AGAP1: variants seen among roughly 807,000 people sequenced by gnomAD.
The protein encoded by AGAP1 is arf-GAP with GTPase, ANK repeat and PH domain-containing protein 1.
In AGAP1, 29 loss-of-function variants were observed where a neutral mutation model predicts 105.3. The observed-to-expected ratio is 0.28, with a 90% CI of 0.21 to 0.38. AGAP1 has a LOEUF of 0.38. AGAP1 is among the 10% of genes least tolerant of loss of function. AGAP1 has a pLI of 1.00. For synonymous variants in AGAP1, 509 were observed against 485.9 expected, an observed-to-expected ratio of 1.05 and a Z score of -0.63; for missense variants, 998 against 1,165.1, an observed-to-expected ratio of 0.86 and a Z score of 2.09.
Position 235,752,368 on chromosome 2 carries a change from G to A in AGAP1, c.673+1880G>A, listed in dbSNP as rs1027908386. Among the ~76,000 whole-genome samples the A allele has an allele frequency of 6.6e-6, 1 of 152,120 alleles. No individual in the cohort carries two copies. The highest frequency in any genetic ancestry group is 1.5e-5 in the Non-Finnish European group (1 of 68,014). ...AATTTTTTGCATTTTAGTAGAGATG[G>A]GATTTTCACCATGTTGCCCAAGTTG... On this transcript the variant is annotated intron_variant, in intron 6 of 17. Transcript: ENST00000304032. This position sits in a 1 kb window ranked among gnomAD's most constrained non-coding sequence, Gnocchi z 4.3.
chr2:235,674,348 G>A (rs1367488973), intron 1 of AGAP1, among the ~76,000 whole-genome samples: 9 of 152,228 alleles, frequency 5.9e-5, no homozygotes, highest in Admixed American at 1.3e-4. Flanking sequence ...TACAAGGAAA[G>A]ATCAAATAAT....
intron 9 of AGAP1, among the ~76,000 whole-genome samples, chr2:235,861,042 C>A (rs148811438): frequency 3.9e-4 from 60 of 152,280 alleles, no homozygotes; most frequent in Admixed American, 1.2e-3. Context: ...ACTGAGCCCA[C>A]TAATATGTTA....
chr2:236,093,974 A>G (rs1422660077), intron 16 of AGAP1, among the ~76,000 whole-genome samples: 2 of 152,198 alleles, frequency 1.3e-5, no homozygotes, highest in Non-Finnish European at 2.9e-5. Context: ...GATAACCTAT[A>G]TTTTTGCAAG....
intron 3 of AGAP1, chr2:235,718,348 T>C (rs567729691): frequency 2.0e-5 from 20 of 984,908 alleles, no homozygotes; most frequent in South Asian, 4.7e-5. Flanking sequence ...TCTGGTTCCT[T>C]CTTTTTCTTA....
In AGAP1 at chr2:235,936,489, C is replaced by T. The variant is rs868528914; in HGVS notation, c.1483+5566C>T. The stretch of plus-strand genomic sequence containing the variant: ...CACGTCGATTTTGATGATGGGGGTT[C>T]GAAACATGAGTTTCAGCTTCGGAAG... On this transcript the variant is annotated intron_variant, in intron 12 of 17. Transcript: ENST00000304032. This position sits in a 1 kb window ranked among gnomAD's most constrained non-coding sequence, Gnocchi z 4.7. Among the ~76,000 whole-genome samples the T allele has an allele frequency of 2.2e-4, 34 of 152,114 alleles. No individual in the cohort carries two copies. Among genetic ancestry groups the T allele is most frequent in the Admixed American group, 1.3e-4 (2 of 15,278 alleles).
chr2:236,091,419 T>TA (rs1160702731), intron 16 of AGAP1, among the ~76,000 whole-genome samples: 1 of 152,218 alleles, frequency 6.6e-6, no homozygotes, highest in African/African-American at 2.4e-5. Flanking sequence ...CTTATAAAAC[T>TA]AAACGTGCAC....
intron 6 of AGAP1, among the ~76,000 whole-genome samples, chr2:235,783,022 T>TTGTGTG (rs112987473): frequency 0.062 from 8,771 of 141,150 alleles, 309 homozygotes; most frequent in African/African-American, 0.11. Flanking sequence ...CGGCAGGAGA[T>TTGTGTG]TGTGTGTGTG....
rs368711073 is a variant in AGAP1 at position 236,100,437 on chromosome 2, C to T, written c.2115-19755C>T. Among the ~76,000 whole-genome samples, 11 of 152,302 alleles carry T rather than the reference C, an allele frequency of 7.2e-5. No homozygotes were observed. The South Asian group carries it at 2.3e-3, about 32-fold the overall frequency. ...TTATGTATTCATGATGAATCATTCTCATCAGCTTCCCAGCTACACAGCCAA... is the reference window on the plus strand; with the variant it reads ...TTATGTATTCATGATGAATCATTCTTATCAGCTTCCCAGCTACACAGCCAA... On this transcript the variant is annotated intron_variant, in intron 16 of 17. Coordinates refer to ENST00000304032, the MANE Select transcript of AGAP1 (RefSeq NM_001037131.3).
chr2:236,019,620 A>G (rs1303735634), intron 13 of AGAP1, among the ~76,000 whole-genome samples: 1 of 152,182 alleles, frequency 6.6e-6, no homozygotes, highest in East Asian at 1.9e-4. Flanking sequence ...TTCCAGGTGG[A>G]GGCAGCAGCC....
At position 235,994,483 on chromosome 2, in the gene AGAP1, G is replaced by T. The variant is rs1205935166; in HGVS notation, c.1645+25860G>T. 2.0e-5 allele frequency among the ~76,000 whole-genome samples: 3 copies of T among 152,150 alleles called. No homozygotes were observed. Among genetic ancestry groups the T allele is most frequent in the Admixed American group, 1.3e-4 (2 of 15,276 alleles). On this transcript the variant is annotated intron_variant, in intron 13 of 17. Coordinates refer to ENST00000304032, the MANE Select transcript of AGAP1 (RefSeq NM_001037131.3). The surrounding 1 kb of genome is among the most constrained non-coding windows in gnomAD (Gnocchi z 4.4). ...TTGTTGATAGGACAGCGTTAAGGGG[G>T]TCGTTTCTTTCTGGTTTGAAAGTTG...
intron 1 of AGAP1, among the ~76,000 whole-genome samples, chr2:235,523,152 G>C (rs1865943): frequency 3.3e-5 from 5 of 152,106 alleles, no homozygotes; most frequent in East Asian, 3.9e-4. Context: ...AGAAAGGCTG[G>C]TCTCTTCCTC....
chr2:235,980,515 C>T (rs537601831), intron 13 of AGAP1, among the ~76,000 whole-genome samples: 1 of 152,298 alleles, frequency 6.6e-6, no homozygotes, highest in Non-Finnish European at 1.5e-5. Context: ...TTTAAGATAT[C>T]TCACCGCATT....
intron 11 of AGAP1, among the ~76,000 whole-genome samples, chr2:235,925,632 A>G (rs1433473069): frequency 6.6e-6 from 1 of 152,200 alleles, no homozygotes. Context: ...TATCAGGTCT[A>G]GGTGTGAAAA....
Position 235,506,277 on chromosome 2 carries a change from A to C in AGAP1, c.163+11428A>C, listed in dbSNP as rs115798654. 8.9e-3 allele frequency among the ~76,000 whole-genome samples: 1,355 copies of C among 152,236 alleles called. 21 individuals carry two copies. Among genetic ancestry groups the C allele is most frequent in the East Asian group, 0.065 (336 of 5,142 alleles). On this transcript the variant is annotated intron_variant, in intron 1 of 17. Coordinates refer to ENST00000304032, the MANE Select transcript of AGAP1 (RefSeq NM_001037131.3). ...TTAGCTCGGGTTTCAATATTTTAAAAAATTTGAAGCCAGGTGCGGTGGCTA... is the reference window on the plus strand; with the variant it reads ...TTAGCTCGGGTTTCAATATTTTAAACAATTTGAAGCCAGGTGCGGTGGCTA...
intron 1 of AGAP1, among the ~76,000 whole-genome samples, chr2:235,546,222 C>A (rs1319283717): frequency 2.0e-5 from 3 of 152,194 alleles, no homozygotes; most frequent in African/African-American, 7.2e-5. Context: ...TCATCCGAGC[C>A]CAAGGTAGAG....
At chr2:235,896,002 G>A (rs1008377817) in intron 10 of AGAP1, among the ~76,000 whole-genome samples, 1 of 152,144 alleles carries the variant, frequency 6.6e-6, no homozygotes, top group Non-Finnish European at 1.5e-5. Flanking sequence ...ATCATTTTAA[G>A]TATACTGTTC....
rs1002850570 is a variant in AGAP1, at chr2:235,639,414, A to T, written c.164-69765A>T. Among the ~76,000 whole-genome samples the T allele has an allele frequency of 6.6e-6, 1 of 152,158 alleles. No homozygotes were observed. Among genetic ancestry groups the T allele is most frequent in the African/African-American group, 2.4e-5 (1 of 41,440 alleles). Reference sequence around the variant, plus strand: ...CCTGCGATAGAACCCGGGGAATCCCAGTGTTTCCAGGGTGGGCAGAGGAAG... The same window carrying T: ...CCTGCGATAGAACCCGGGGAATCCCTGTGTTTCCAGGGTGGGCAGAGGAAG... On this transcript the variant is annotated intron_variant, in intron 1 of 17. Transcript: ENST00000304032. The surrounding 1 kb of genome is among the most constrained non-coding windows in gnomAD (Gnocchi z 5.3).
In AGAP1 at chr2:235,729,256, G is replaced by A. The variant is rs1443081310; in HGVS notation, c.310+11612G>A. On this transcript the variant is annotated intron_variant, in intron 3 of 17. Transcript: ENST00000304032. The surrounding 1 kb of genome is among the most constrained non-coding windows in gnomAD (Gnocchi z 5.0). ...TTGAGGAGCCGCATCCGCTTATTGG[G>A]CCTAAGAAAAACTGATTCCCAGGTG... 1.3e-5 allele frequency among the ~76,000 whole-genome samples: 2 copies of A among 152,138 alleles called. No homozygotes were observed. The highest frequency in any genetic ancestry group is 4.8e-5 in the African/African-American group (2 of 41,384).
chr2:235,671,008 C>G, intron 1 of AGAP1: 1 of 1,322,878 alleles, frequency 7.6e-7, no homozygotes, highest in Middle Eastern at 2.9e-4. Flanking sequence ...GGGCCCCGGC[C>G]GAAGCGCACT....
Sources: gnomAD v4.1 joint callset for allele counts (sites outside exome capture counted in the v4.1 genomes callset) on GRCh38, gnomAD v4.1.1 for gene constraint, Gnocchi (gnomAD v3.1) non-coding constraint, MANE v1.5 for transcripts, NCBI Gene and HGNC (gene_info 2026-07-23, HGNC 2026-07-21) for gene names.